AHCYL2: variants seen among roughly 807,000 people sequenced by gnomAD.
AHCYL2 encodes the protein adenosylhomocysteinase like 2.
A neutral mutation model predicts 81.4 loss-of-function variants in AHCYL2; 28 were observed. That is an observed-to-expected ratio of 0.34 (90% CI 0.25 to 0.47). The LOEUF is 0.47. Among genes scored for constraint, AHCYL2 ranks in the 20% least tolerant of loss-of-function variants. AHCYL2 has a pLI of 1.00. For missense variants in AHCYL2, 551 were observed against 785.1 expected (o/e 0.70, Z 3.56); for synonymous variants, 272 against 290.2 (o/e 0.94, Z 0.64).
intron 1 of AHCYL2, among the ~76,000 whole-genome samples, chr7:129,324,609 G>A (rs187423833): frequency 6.6e-5 from 10 of 152,232 alleles, no homozygotes; most frequent in Admixed American, 3.9e-4. Context: ...TCTGCCTCCC[G>A]GGTTCACGCC....
chr7:129,239,942 G>T (rs1293943483), intron 1 of AHCYL2, among the ~76,000 whole-genome samples: 1 of 151,892 alleles, frequency 6.6e-6, no homozygotes, highest in Non-Finnish European at 1.5e-5. Context: ...CCCCACGGCT[G>T]GCCGGACGCG....
chr7:129,264,150 T>C (rs1334732036), intron 1 of AHCYL2, among the ~76,000 whole-genome samples: 3 of 152,336 alleles, frequency 2.0e-5, no homozygotes, highest in East Asian at 3.9e-4. Flanking sequence ...GCCTCCTAAG[T>C]AGCTGGGACT....
Position 129,406,223 on chromosome 7 carries a change from A to G in AHCYL2, c.1207-155A>G, listed in dbSNP as rs530941471. ...AGCCAGGGGTTTGTTTATGAGCTGCATTCAATTATTTGTTCTTCTCGTTTT... is the reference window on the plus strand; with the variant it reads ...AGCCAGGGGTTTGTTTATGAGCTGCGTTCAATTATTTGTTCTTCTCGTTTT... On this transcript the variant is annotated intron_variant, in intron 9 of 16. Transcript: ENST00000325006. This position sits in a 1 kb window ranked among gnomAD's most constrained non-coding sequence, Gnocchi z 4.3. 6.6e-6 allele frequency among the ~76,000 whole-genome samples: 1 copy of G among 151,724 alleles called. No individual in the cohort carries two copies. Among genetic ancestry groups the G allele is most frequent in the East Asian group, 2.0e-4 (1 of 5,128 alleles).
intron 1 of AHCYL2, among the ~76,000 whole-genome samples, chr7:129,270,184 G>T (rs942903754): frequency 2.6e-5 from 4 of 152,096 alleles, no homozygotes; most frequent in Non-Finnish European, 4.4e-5. Context: ...TATTATCTGG[G>T]TCACACTGGT....
intron 1 of AHCYL2, among the ~76,000 whole-genome samples, chr7:129,336,901 C>T (rs1798622062): frequency 6.6e-6 from 1 of 152,094 alleles, no homozygotes; most frequent in Non-Finnish European, 1.5e-5. Context: ...CGCAAGCCAC[C>T]GTGCCTGGCT....
At position 129,389,621 on chromosome 7, in the gene AHCYL2, T is replaced by G; in HGVS notation, c.620-13T>G. On this transcript the variant is annotated splice_polypyrimidine_tract_variant and intron_variant, in intron 3 of 16. Transcript: ENST00000325006. ...TCTTCTTTAATATTGCTGTATTTAT[T>G]GGGCCTTTTCAGAAATGCCTGCATT... The G allele has an allele frequency of 6.3e-7, 1 of 1,592,936 alleles. No homozygotes were observed. Among genetic ancestry groups the G allele is most frequent in the Non-Finnish European group, 8.6e-7 (1 of 1,169,494 alleles).
At chr7:129,381,610 T>G (rs1794958897) in intron 2 of AHCYL2, among the ~76,000 whole-genome samples, 1 of 152,212 alleles carries the variant, frequency 6.6e-6, no homozygotes, top group Admixed American at 6.5e-5. Flanking sequence ...TCCCTCTAAT[T>G]GCTGACCTCT....
chr7:129,283,985 A>G (rs1041902434), intron 1 of AHCYL2, among the ~76,000 whole-genome samples: 1 of 152,180 alleles, frequency 6.6e-6, no homozygotes, highest in African/African-American at 2.4e-5. Flanking sequence ...ACCTTTCTAC[A>G]ATGGAGTCAT....
chr7:129,409,550 T>C lies in AHCYL2; in HGVS notation c.1366+4T>C. 2 of 1,600,034 alleles carry C rather than the reference T, an allele frequency of 1.2e-6. No homozygotes were observed. The highest frequency in any genetic ancestry group is 1.7e-6 in the Non-Finnish European group (2 of 1,170,346). ...GACATTGTTATTACCTGTACAGGTATGATAATGACATTTTAAATGGGGTGG... is the reference window on the plus strand; with the variant it reads ...GACATTGTTATTACCTGTACAGGTACGATAATGACATTTTAAATGGGGTGG... On this transcript the variant is annotated splice_donor_region_variant and intron_variant, in intron 11 of 16. Coordinates refer to ENST00000325006, the MANE Select transcript of AHCYL2 (RefSeq NM_015328.4).
In AHCYL2 at chr7:129,300,768, C is replaced by T. The variant is rs75070645; in HGVS notation, c.363+75329C>T. 3.4e-3 allele frequency among the ~76,000 whole-genome samples: 517 copies of T among 152,260 alleles called. 1 individual carries two copies. The highest frequency in any genetic ancestry group is 0.012 in the African/African-American group (500 of 41,548). On this transcript the variant is annotated intron_variant, in intron 1 of 16. Transcript: ENST00000325006. ...GGGTTTCCTTTTCTCCATATCCTTGCCAGCATTTGTTATTGCCTGTCTTTT... is the reference window on the plus strand; with the variant it reads ...GGGTTTCCTTTTCTCCATATCCTTGTCAGCATTTGTTATTGCCTGTCTTTT...
intron 1 of AHCYL2, among the ~76,000 whole-genome samples, chr7:129,315,796 G>GA (rs35180865): frequency 0.028 from 4,276 of 152,246 alleles, 78 homozygotes; most frequent in Admixed American, 0.058. Context: ...GTTTAACAGG[G>GA]AAAAAATCTT....
At chr7:129,345,657 C>T (rs867860208) in intron 1 of AHCYL2, among the ~76,000 whole-genome samples, 7 of 152,104 alleles carry the variant, frequency 4.6e-5, no homozygotes, top group Middle Eastern at 3.4e-3. Context: ...TCAAGATGGA[C>T]AGGAAATCTA....
intron 1 of AHCYL2, among the ~76,000 whole-genome samples, chr7:129,263,884 T>C (rs1390862235): frequency 6.6e-6 from 1 of 152,204 alleles, no homozygotes; most frequent in African/African-American, 2.4e-5. Context: ...TAGAGTTACC[T>C]CTGAGTCCTG....
intron 1 of AHCYL2, among the ~76,000 whole-genome samples, chr7:129,259,499 G>A (rs1393020900): frequency 6.6e-6 from 1 of 152,156 alleles, no homozygotes; most frequent in African/African-American, 2.4e-5. Context: ...TAATAAAAGT[G>A]AAACTGAAGT....
intron 5 of AHCYL2, 51 bp downstream of exon 5, chr7:129,397,375 T>G (rs778075410): frequency 2.0e-6 from 3 of 1,508,346 alleles, no homozygotes; most frequent in South Asian, 1.2e-5. Flanking sequence ...ATTTGGAGAC[T>G]TACTTTATGT....
chr7:129,267,538 C>G (rs1486035818), intron 1 of AHCYL2, among the ~76,000 whole-genome samples: 2 of 152,180 alleles, frequency 1.3e-5, no homozygotes, highest in African/African-American at 2.4e-5. Context: ...CTCCTGACCT[C>G]AAGTCATCTG....
intron 1 of AHCYL2, among the ~76,000 whole-genome samples, chr7:129,362,590 T>C (rs935458762): frequency 6.9e-6 from 1 of 144,320 alleles, no homozygotes; most frequent in Admixed American, 7.3e-5. Flanking sequence ...TAGTTATTGG[T>C]TTTCTTGTTT....
chr7:129,395,808 A>G (rs1043273760), intron 4 of AHCYL2, among the ~76,000 whole-genome samples: 1 of 152,282 alleles, frequency 6.6e-6, no homozygotes, highest in East Asian at 1.9e-4. Flanking sequence ...TGGGAAATCT[A>G]CTTGTGTCTG....
intron 1 of AHCYL2, among the ~76,000 whole-genome samples, chr7:129,248,455 AT>A (rs1427445185): frequency 8.0e-5 from 12 of 150,498 alleles, no homozygotes; most frequent in Admixed American, 4.0e-4. Context: ...GTTACACTGT[AT>A]TTTTTATTTG....
Sources: gnomAD v4.1 joint callset for allele counts (sites outside exome capture counted in the v4.1 genomes callset) on GRCh38, gnomAD v4.1.1 for gene constraint, Gnocchi (gnomAD v3.1) non-coding constraint, MANE v1.5 for transcripts, NCBI Gene and HGNC (gene_info 2026-07-23, HGNC 2026-07-21) for gene names.